SORCS1: variants seen among roughly 807,000 people sequenced by gnomAD.
SORCS1 encodes the protein sortilin related VPS10 domain containing receptor 1.
Under a neutral mutation model 146.1 loss-of-function variants are expected in SORCS1, and 60 were observed. The ratio of observed to expected loss-of-function variants is 0.41; its 90% CI spans 0.33 to 0.51. The LOEUF (loss-of-function observed/expected upper bound fraction) is 0.51. Among genes scored for constraint, SORCS1 ranks in the 20% least tolerant of loss-of-function variants. The pLI is 0.21. For missense variants in SORCS1, 1,352 were observed against 1,487.6 expected (o/e 0.91, Z 1.50); for synonymous variants, 637 against 584.0 (o/e 1.09, Z -1.31).
intron 2 of SORCS1, among the ~76,000 whole-genome samples, chr10:106,840,553 T>C (rs1362551454): frequency 6.6e-6 from 1 of 152,128 alleles, no homozygotes; most frequent in African/African-American, 2.4e-5. Context: ...ATTTAGAATA[T>C]TAAATAAACT....
chr10:106,922,430 C>A (rs1230944455), intron 2 of SORCS1, among the ~76,000 whole-genome samples: 1 of 152,080 alleles, frequency 6.6e-6, no homozygotes, highest in Non-Finnish European at 1.5e-5. Flanking sequence ...CACAAATAGA[C>A]AAAGAAAAAA....
chr10:106,957,130 C>A (rs552803142), intron 1 of SORCS1, among the ~76,000 whole-genome samples: 1 of 149,766 alleles, frequency 6.7e-6, no homozygotes, highest in Non-Finnish European at 1.5e-5. Flanking sequence ...GAAATAAATA[C>A]AAATTACATA....
chr10:107,134,126 G>A (rs1274502939), intron 1 of SORCS1, among the ~76,000 whole-genome samples: 3 of 152,180 alleles, frequency 2.0e-5, no homozygotes, highest in Non-Finnish European at 4.4e-5. Flanking sequence ...CCTGGGAAAA[G>A]TAACTGGCAT....
intron 3 of SORCS1, among the ~76,000 whole-genome samples, chr10:106,827,797 G>C (rs1270647730): frequency 6.6e-6 from 1 of 152,132 alleles, no homozygotes; most frequent in African/African-American, 2.4e-5. Context: ...GACAGTATTG[G>C]TTGTGTGGTA....
intron 21 of SORCS1, among the ~76,000 whole-genome samples, 166 bp downstream of exon 21, chr10:106,617,983 A>G (rs1257112542): frequency 1.3e-5 from 2 of 152,104 alleles, no homozygotes; most frequent in South Asian, 2.1e-4. Context: ...CAGTGATTCA[A>G]ATTTCCCTAC....
chr10:107,137,880 AT>A (rs1967464345), intron 1 of SORCS1, among the ~76,000 whole-genome samples: 2 of 151,034 alleles, frequency 1.3e-5, no homozygotes, highest in East Asian at 1.9e-4. Flanking sequence ...AAAAAAAAAA[AT>A]TCAATACTGT....
At chr10:107,129,079 A>C (rs548061110) in intron 1 of SORCS1, among the ~76,000 whole-genome samples, 13 of 152,364 alleles carry the variant, frequency 8.5e-5, no homozygotes, top group African/African-American at 3.1e-4. Context: ...GTTTCCGTTC[A>C]GATTCAAGAC....
At chr10:106,678,209 G>A (rs1852179746) in intron 12 of SORCS1, among the ~76,000 whole-genome samples, 1 of 152,124 alleles carries the variant, frequency 6.6e-6, no homozygotes, top group Non-Finnish European at 1.5e-5. Context: ...CAAGACTATA[G>A]AAGTAAAGAC....
At chr10:106,674,505 A>C (rs1315413703) in intron 14 of SORCS1, among the ~76,000 whole-genome samples, 1 of 152,020 alleles carries the variant, frequency 6.6e-6, no homozygotes, top group African/African-American at 2.4e-5. Context: ...ACAGTTTCAT[A>C]CTTGAAATTC....
At chr10:106,653,575 A>C (rs1008958303) in intron 17 of SORCS1, among the ~76,000 whole-genome samples, 11 of 152,234 alleles carry the variant, frequency 7.2e-5, no homozygotes, top group Admixed American at 2.6e-4. Context: ...AACACATAAA[A>C]GAATGTATGC....
intron 1 of SORCS1, among the ~76,000 whole-genome samples, chr10:106,984,141 A>G (rs1404023944): frequency 6.6e-6 from 1 of 152,228 alleles, no homozygotes; most frequent in Non-Finnish European, 1.5e-5. Flanking sequence ...AGTCAATTAT[A>G]AAAGGGAACC....
At chr10:106,581,522 C>T (rs568320294) in intron 24 of SORCS1, among the ~76,000 whole-genome samples, 4 of 152,076 alleles carry the variant, frequency 2.6e-5, no homozygotes, top group East Asian at 3.9e-4. Context: ...TGTACGCTTA[C>T]GTTTGGAAGA....
chr10:107,075,632 C>T (rs1386722115), intron 1 of SORCS1, among the ~76,000 whole-genome samples: 1 of 152,092 alleles, frequency 6.6e-6, no homozygotes, highest in Non-Finnish European at 1.5e-5. Context: ...TCTAAAGTTA[C>T]ACATTTCCTA....
intron 1 of SORCS1, among the ~76,000 whole-genome samples, chr10:107,004,711 G>A (rs1386269014): frequency 6.6e-6 from 1 of 152,086 alleles, no homozygotes; most frequent in African/African-American, 2.4e-5. Context: ...ACTCTTCTGG[G>A]AAGCCCTCCT....
chr10:107,067,475 C>T (rs1415223201), intron 1 of SORCS1, among the ~76,000 whole-genome samples: 1 of 152,118 alleles, frequency 6.6e-6, no homozygotes, highest in Non-Finnish European at 1.5e-5. Flanking sequence ...TAGTTGAGAA[C>T]TCCAAAACAT....
chr10:106,771,880 G>T (rs1057323996), intron 4 of SORCS1, among the ~76,000 whole-genome samples: 1 of 152,136 alleles, frequency 6.6e-6, no homozygotes, highest in Non-Finnish European at 1.5e-5. Flanking sequence ...TCCTATGAAC[G>T]CAGGCTACTT....
intron 24 of SORCS1, among the ~76,000 whole-genome samples, chr10:106,592,998 G>A (rs1330484061): frequency 5.9e-5 from 9 of 151,778 alleles, no homozygotes; most frequent in East Asian, 5.8e-4. Flanking sequence ...AAACTTAGCC[G>A]GGCATGGTGG....
intron 1 of SORCS1, among the ~76,000 whole-genome samples, chr10:106,956,923 T>C (rs1438417039): frequency 6.6e-6 from 1 of 152,164 alleles, no homozygotes; most frequent in Non-Finnish European, 1.5e-5. Context: ...AGCAGATGCC[T>C]GGGAGAAAGG....
chr10:107,156,534 T>C (rs1836479043), intron 1 of SORCS1, among the ~76,000 whole-genome samples: 1 of 152,244 alleles, frequency 6.6e-6, no homozygotes, highest in Non-Finnish European at 1.5e-5. Context: ...CTTATGTAGA[T>C]AGAGTTGTCC....
Sources: gnomAD v4.1 joint callset for allele counts (sites outside exome capture counted in the v4.1 genomes callset) on GRCh38, gnomAD v4.1.1 for gene constraint, MANE v1.5 for transcripts, NCBI Gene and HGNC (gene_info 2026-07-23, HGNC 2026-07-21) for gene names.